NUMB: variants seen among roughly 807,000 people sequenced by gnomAD.
NUMB encodes the protein NUMB endocytic adaptor protein, also known as protein numb homolog.
A neutral mutation model predicts 59.7 loss-of-function variants in NUMB; 29 were observed. The observed-to-expected ratio is 0.49, with a 90% CI of 0.36 to 0.66. The LOEUF (loss-of-function observed/expected upper bound fraction) is 0.66. NUMB is among the 30% of genes least tolerant of loss of function. The pLI is 0.00. For synonymous variants in NUMB, 288 were observed against 288.2 expected, an observed-to-expected ratio of 1.00 and a Z score of 0.01; for missense variants, 723 against 822.0, an observed-to-expected ratio of 0.88 and a Z score of 1.47.
At chr14:73,372,165 G>A (rs550974597) in intron 2 of NUMB, among the ~76,000 whole-genome samples, 1 of 151,342 alleles carries the variant, frequency 6.6e-6, no homozygotes, top group East Asian at 1.9e-4. Flanking sequence ...CTTGGGAGGT[G>A]GAGGGTGCAG....
intron 1 of NUMB, among the ~76,000 whole-genome samples, chr14:73,429,603 G>T (rs1225266159): frequency 6.6e-6 from 1 of 151,984 alleles, no homozygotes; most frequent in Non-Finnish European, 1.5e-5. Flanking sequence ...CCAGTTTTTG[G>T]CAATTACGAG....
intron 2 of NUMB, among the ~76,000 whole-genome samples, chr14:73,403,592 C>T (rs1218787404): frequency 2.6e-5 from 4 of 152,184 alleles, no homozygotes; most frequent in Non-Finnish European, 5.9e-5. Context: ...ATGGTAAGAG[C>T]CCAGACTCTC....
chr14:73,412,209 G>A (rs1243906395), intron 1 of NUMB, among the ~76,000 whole-genome samples: 2 of 151,904 alleles, frequency 1.3e-5, no homozygotes, highest in African/African-American at 2.4e-5. Flanking sequence ...ACACCACCAC[G>A]CCCAGCTGGG....
intron 4 of NUMB, among the ~76,000 whole-genome samples, chr14:73,347,356 A>T (rs1892970706): frequency 6.6e-6 from 1 of 152,182 alleles, no homozygotes; most frequent in Non-Finnish European, 1.5e-5. Context: ...TGAGTTTTTC[A>T]AATATGTATA....
At chr14:73,374,719 C>CTTTTTTTT (rs368185389) in intron 2 of NUMB, among the ~76,000 whole-genome samples, 1 of 119,326 alleles carries the variant, frequency 8.4e-6, no homozygotes, top group Non-Finnish European at 1.7e-5. Context: ...GTTACATTAA[C>CTTTTTTTT]TTTTTTTTTT....
At chr14:73,384,876 C>G (rs1287001246) in intron 2 of NUMB, among the ~76,000 whole-genome samples, 2 of 150,904 alleles carry the variant, frequency 1.3e-5, no homozygotes, top group East Asian at 4.0e-4. Flanking sequence ...CCATGCCCAG[C>G]CAAATAACTG....
intron 4 of NUMB, among the ~76,000 whole-genome samples, chr14:73,341,555 A>G (rs1305082835): frequency 6.6e-6 from 1 of 152,136 alleles, no homozygotes; most frequent in Non-Finnish European, 1.5e-5. Context: ...TGGGGTAGGA[A>G]AAGTGTTGAT....
intron 4 of NUMB, among the ~76,000 whole-genome samples, chr14:73,338,257 A>G (rs1892453344): frequency 6.6e-6 from 1 of 152,206 alleles, no homozygotes; most frequent in African/African-American, 2.4e-5. Flanking sequence ...ATTGCACTCC[A>G]GCCTGGGTGA....
chr14:73,323,505 G>T (rs1301083764), intron 4 of NUMB, among the ~76,000 whole-genome samples: 1 of 152,204 alleles, frequency 6.6e-6, no homozygotes, highest in Non-Finnish European at 1.5e-5. Context: ...TTACAGGTGA[G>T]TAAGTGAAGA....
chr14:73,417,837 T>C (rs1386816406), intron 1 of NUMB, among the ~76,000 whole-genome samples: 1 of 152,220 alleles, frequency 6.6e-6, no homozygotes, highest in Admixed American at 6.5e-5. Flanking sequence ...CCGGGAGCCA[T>C]GGCTCATGCC....
chr14:73,384,311 G>A (rs1056545511), intron 2 of NUMB, among the ~76,000 whole-genome samples: 2 of 151,928 alleles, frequency 1.3e-5, no homozygotes, highest in South Asian at 4.2e-4. Context: ...GGATGGTCTC[G>A]ATCTCCTGAC....
At chr14:73,387,125 G>A (rs56162432) in intron 2 of NUMB, among the ~76,000 whole-genome samples, 1 of 151,382 alleles carries the variant, frequency 6.6e-6, no homozygotes, top group Non-Finnish European at 1.5e-5. Context: ...CTCGTGATCC[G>A]CCCGCCTCGG....
At chr14:73,422,114 A>G (rs1897374384) in intron 1 of NUMB, among the ~76,000 whole-genome samples, 1 of 151,370 alleles carries the variant, frequency 6.6e-6, no homozygotes, top group South Asian at 2.1e-4. Context: ...ACTACACCCC[A>G]GCCTGGACGA....
intron 2 of NUMB, among the ~76,000 whole-genome samples, chr14:73,402,912 T>G (rs1226919616): frequency 1.3e-5 from 2 of 152,220 alleles, no homozygotes; most frequent in African/African-American, 4.8e-5. Context: ...GTGCTGAACA[T>G]CACATTGAAG....
At chr14:73,386,036 A>T (rs1895506111) in intron 2 of NUMB, among the ~76,000 whole-genome samples, 5 of 152,180 alleles carry the variant, frequency 3.3e-5, no homozygotes. Context: ...TTACCATGAA[A>T]GTCCTAGGAA....
At chr14:73,288,558 T>G (rs1295252937) in intron 8 of NUMB, among the ~76,000 whole-genome samples, 1 of 101,088 alleles carries the variant, frequency 9.9e-6, no homozygotes, top group Non-Finnish European at 2.1e-5. Context: ...TCTCAAAAAA[T>G]AAATAAAAAT....
rs1405295334 is a variant in NUMB, at chr14:73,448,502, G to A, written c.-233+9991C>T. 3.3e-5 allele frequency among the ~76,000 whole-genome samples: 5 copies of A among 152,062 alleles called. No homozygotes were observed. The East Asian group carries it at 9.6e-4, about 29-fold the overall frequency. On this transcript the variant is annotated intron_variant, in intron 1 of 12. Coordinates refer to ENST00000555238, the MANE Select transcript of NUMB (RefSeq NM_001005743.2). The stretch of plus-strand genomic sequence containing the variant: ...CACCACACCAGGCCAGATTTTAACA[G>A]CTTTCTACAAATACAGATTTTTCTT...
intron 2 of NUMB, among the ~76,000 whole-genome samples, chr14:73,370,521 G>A (rs1371137606): frequency 2.6e-5 from 4 of 152,062 alleles, no homozygotes; most frequent in East Asian, 3.9e-4. Flanking sequence ...GAGAAACCCC[G>A]TCTCTACTAA....
intron 2 of NUMB, among the ~76,000 whole-genome samples, chr14:73,384,735 T>TTGC (rs1895414687): frequency 1.4e-5 from 1 of 73,894 alleles, no homozygotes. Flanking sequence ...GCCTGGCTTT[T>TTGC]TTGTTTGTTT....
Sources: allele counts gnomAD v4.1 joint callset (sites outside exome capture counted in the v4.1 genomes callset), GRCh38; gene constraint gnomAD v4.1.1; transcripts MANE v1.5; gene names NCBI Gene and HGNC (gene_info 2026-07-23, HGNC 2026-07-21).